The following LCLAT1 variants were observed in gnomAD, a reference collection of about 807,000 sequenced individuals.
LCLAT1 encodes the protein 1-AGP acyltransferase 8.
A neutral mutation model predicts 30.7 loss-of-function variants in LCLAT1; 11 were observed. The observed-to-expected ratio is 0.36, with a 90% confidence interval of 0.23 to 0.59. The LOEUF is 0.59. Among genes scored for constraint, LCLAT1 ranks in the 20% least tolerant of loss-of-function variants. The probability of loss-of-function intolerance (pLI) is 0.77; values close to 1 mark genes in which losing one functional copy is unlikely to be tolerated. For synonymous variants in LCLAT1, 155 were observed against 151.3 expected (o/e 1.02, Z -0.18); for missense variants, 402 against 458.6 (o/e 0.88, Z 1.13).
intron 5 of LCLAT1, among the ~76,000 whole-genome samples, chr2:30,634,959 C>T (rs1489054851): frequency 6.6e-6 from 1 of 152,204 alleles, no homozygotes; most frequent in Non-Finnish European, 1.5e-5. Context: ...GTGCCAGAGG[C>T]CATGGTGCCA....
At chr2:30,631,013 A>G (rs1352236912) in intron 5 of LCLAT1, among the ~76,000 whole-genome samples, 2 of 152,234 alleles carry the variant, frequency 1.3e-5, no homozygotes, top group Admixed American at 1.3e-4. Context: ...CCACCAGTTG[A>G]TACTGTATCA....
In LCLAT1 at chr2:30,581,153, A is replaced by G. The variant is rs139070055; in HGVS notation, c.628+12977A>G. ...AGTTAAGAGCATTGCTGAGCTCTCA[A>G]ACCTCAGACTACAGAGCCAGTCTGG... On this transcript the variant is annotated intron_variant, in intron 5 of 5. Transcript: ENST00000379509. 3.0e-3 allele frequency among the ~76,000 whole-genome samples: 458 copies of G among 152,250 alleles called. 1 individual carries two copies. The highest frequency in any genetic ancestry group is 5.1e-3 in the Non-Finnish European group (345 of 67,996).
intron 2 of LCLAT1, among the ~76,000 whole-genome samples, chr2:30,531,406 G>T (rs1023659945): frequency 6.6e-5 from 10 of 152,206 alleles, no homozygotes; most frequent in Non-Finnish European, 2.9e-5. Flanking sequence ...ATAATTAGTT[G>T]AGCGGTTATG....
chr2:30,538,882 T>C (rs1408987829), intron 3 of LCLAT1, among the ~76,000 whole-genome samples: 1 of 151,330 alleles, frequency 6.6e-6, no homozygotes, highest in Non-Finnish European at 1.5e-5. Context: ...ATTAAATCAA[T>C]AATTTAAAAA....
chr2:30,458,200 A>C (rs1681929455), intron 1 of LCLAT1, among the ~76,000 whole-genome samples: 1 of 152,232 alleles, frequency 6.6e-6, no homozygotes, highest in South Asian at 2.1e-4. Flanking sequence ...AGAAAGGGAA[A>C]TGTAGAAGTT....
At chr2:30,475,605 G>A (rs1481010416) in intron 1 of LCLAT1, among the ~76,000 whole-genome samples, 4 of 152,116 alleles carry the variant, frequency 2.6e-5, no homozygotes, top group African/African-American at 9.7e-5. Context: ...TTTAATGCAT[G>A]TTTAAATAGA....
chr2:30,555,633 A>C (rs76175930), intron 3 of LCLAT1, among the ~76,000 whole-genome samples: 2,030 of 152,168 alleles, frequency 0.013, 44 homozygotes, highest in African/African-American at 0.045. Flanking sequence ...AAACTCTTTA[A>C]TTAGTGATAG....
At chr2:30,523,607 C>T (rs1219006807) in intron 1 of LCLAT1, among the ~76,000 whole-genome samples, 10 of 152,200 alleles carry the variant, frequency 6.6e-5, no homozygotes, top group African/African-American at 9.7e-5. Flanking sequence ...CAGTGGCTTA[C>T]GCCTGTAATC....
intron 1 of LCLAT1, among the ~76,000 whole-genome samples, chr2:30,508,677 G>A (rs1440042887): frequency 1.3e-5 from 2 of 151,946 alleles, no homozygotes; most frequent in Non-Finnish European, 2.9e-5. Context: ...GTTTTAAGTT[G>A]GGTAGCATGA....
intron 3 of LCLAT1, among the ~76,000 whole-genome samples, chr2:30,538,315 A>C (rs544830414): frequency 6.6e-6 from 1 of 152,206 alleles, no homozygotes; most frequent in Non-Finnish European, 1.5e-5. Flanking sequence ...AATAAAACTG[A>C]TAAACCATTA....
intron 1 of LCLAT1, among the ~76,000 whole-genome samples, chr2:30,472,877 C>T (rs1237376425): frequency 6.6e-6 from 1 of 152,070 alleles, no homozygotes; most frequent in Non-Finnish European, 1.5e-5. Context: ...CCATGTCTAG[C>T]TAATGCATTA....
intron 1 of LCLAT1, among the ~76,000 whole-genome samples, chr2:30,506,357 T>G (rs1407985724): frequency 6.6e-6 from 1 of 152,084 alleles, no homozygotes; most frequent in African/African-American, 2.4e-5. Context: ...ACATAAATTT[T>G]TAAATATTTC....
chr2:30,529,221 T>C (rs776947901), intron 2 of LCLAT1, among the ~76,000 whole-genome samples: 1 of 152,220 alleles, frequency 6.6e-6, no homozygotes, highest in African/African-American at 2.4e-5. Context: ...TTTCATTAAG[T>C]TTCTCTTGTG....
At chr2:30,475,875 TTC>T (rs1437124543) in intron 1 of LCLAT1, among the ~76,000 whole-genome samples, 1 of 152,226 alleles carries the variant, frequency 6.6e-6, no homozygotes, top group Non-Finnish European at 1.5e-5. Context: ...AGATGCAGGT[TTC>T]TCTCTCTATA....
intron 1 of LCLAT1, among the ~76,000 whole-genome samples, chr2:30,475,085 A>G (rs1572495025): frequency 6.7e-6 from 1 of 148,382 alleles, no homozygotes. Context: ...GTATCCTTGA[A>G]CTCCTGGGCT....
chr2:30,599,797 G>A lies in LCLAT1; in HGVS notation c.628+31621G>A, dbSNP rs143331516. ...GCTTTTTTCTGTTTTCCATTTGCTT[G>A]GTAAATTTTCCTCCATCCCTTTATT... On this transcript the variant is annotated intron_variant, in intron 5 of 5. Transcript: ENST00000379509. 4.8e-3 allele frequency among the ~76,000 whole-genome samples: 734 copies of A among 152,202 alleles called. 6 individuals are homozygous for A. The highest frequency in any genetic ancestry group is 0.016 in the African/African-American group (655 of 41,524).
At chr2:30,534,012 C>T (rs1558502431) in intron 3 of LCLAT1, among the ~76,000 whole-genome samples, 2 of 152,182 alleles carry the variant, frequency 1.3e-5, no homozygotes, top group South Asian at 2.1e-4. Flanking sequence ...ATATGAAGTA[C>T]CCACTATATC....
chr2:30,535,630 C>G (rs969711090), intron 3 of LCLAT1, among the ~76,000 whole-genome samples: 9 of 152,200 alleles, frequency 5.9e-5, no homozygotes, highest in African/African-American at 2.2e-4. Flanking sequence ...CCCTACCCAA[C>G]TGAGACTGTA....
At chr2:30,568,864 CAAAA>C (rs61325694) in intron 5 of LCLAT1, among the ~76,000 whole-genome samples, 36 of 89,102 alleles carry the variant, frequency 4.0e-4, no homozygotes, top group South Asian at 1.1e-3. Context: ...TCATGAATAG[CAAAA>C]AAAAAAAAAA....
Sources: gnomAD v4.1 joint callset for allele counts (sites outside exome capture counted in the v4.1 genomes callset) on GRCh38, gnomAD v4.1.1 for gene constraint, MANE v1.5 for transcripts, NCBI Gene and HGNC (gene_info 2026-07-23, HGNC 2026-07-21) for gene names.